Variants in NRXN3 observed in about 807,000 individuals in gnomAD.
The protein encoded by NRXN3 is neurexin III.
In NRXN3, 32 loss-of-function variants were observed where a neutral mutation model predicts 137.6. That is an observed-to-expected ratio of 0.23 (90% CI 0.18 to 0.31). The LOEUF (loss-of-function observed/expected upper bound fraction) is 0.31, where lower values mean the gene tolerates loss of function less well. NRXN3 is among the 10% of genes least tolerant of loss of function. The pLI is 1.00. For synonymous variants in NRXN3, 798 were observed against 784.5 expected (o/e 1.02, Z -0.29); for missense variants, 1,574 against 2,062.5 (o/e 0.76, Z 4.59).
At chr14:79,746,123 A>C (rs751867993) in intron 19 of NRXN3, among the ~76,000 whole-genome samples, 1 of 152,146 alleles carries the variant, frequency 6.6e-6, no homozygotes, top group Non-Finnish European at 1.5e-5. Flanking sequence ...AGTTTTACTC[A>C]GTCTAGATCC....
chr14:79,778,119 T>C (rs1386973284), intron 19 of NRXN3, among the ~76,000 whole-genome samples: 1 of 152,198 alleles, frequency 6.6e-6, no homozygotes, highest in African/African-American at 2.4e-5. Context: ...TGAATTGATA[T>C]AAGACTGGTA....
At chr14:78,624,809 TTGTGTGTGTGTGTG>T (rs56948487) in intron 4 of NRXN3, among the ~76,000 whole-genome samples, 2 of 149,266 alleles carry the variant, frequency 1.3e-5, no homozygotes, top group Non-Finnish European at 3.0e-5. Context: ...TCCTGTTCCT[TTGTGTGTGTGTGTG>T]TGTGTGTGTT....
rs547928162 is a variant in NRXN3, at chr14:78,774,479, A to G, written c.2045-29141A>G. On this transcript the variant is annotated intron_variant, in intron 8 of 20. Coordinates refer to ENST00000335750, the MANE Select transcript of NRXN3 (RefSeq NM_001330195.2). ...ATATTCTAAGTGTATCTTAGATCAC[A>G]TGCTACAAATTTCTATTATCACTAT... Among the ~76,000 whole-genome samples, 21 of 152,350 alleles carry G rather than the reference A, an allele frequency of 1.4e-4. No individual in the cohort carries two copies. In the East Asian group the frequency reaches 4.0e-3, roughly 29 times the overall value.
intron 4 of NRXN3, among the ~76,000 whole-genome samples, chr14:78,499,683 A>T (rs1051069817): frequency 2.4e-4 from 36 of 152,292 alleles, no homozygotes; most frequent in African/African-American, 8.4e-4. Context: ...CTGAGTTCTC[A>T]TCTGAAAGCT....
intron 19 of NRXN3, among the ~76,000 whole-genome samples, chr14:79,796,909 T>C (rs1453526908): frequency 6.6e-6 from 1 of 152,194 alleles, no homozygotes; most frequent in Non-Finnish European, 1.5e-5. Context: ...CCAACACTAA[T>C]TTTAAGATTT....
At chr14:79,772,941 T>A (rs1236355354) in intron 19 of NRXN3, among the ~76,000 whole-genome samples, 421 of 151,880 alleles carry the variant, frequency 2.8e-3, no homozygotes, top group African/African-American at 9.6e-3. Context: ...GAAAAAAACA[T>A]ACAACCCCAT....
At chr14:78,206,203 A>G (rs1044503336) in intron 1 of NRXN3, among the ~76,000 whole-genome samples, 10 of 152,142 alleles carry the variant, frequency 6.6e-5, no homozygotes, top group African/African-American at 2.2e-4. Flanking sequence ...ACCATGGAGG[A>G]GTTTCTCTAT....
At chr14:79,408,629 C>T (rs2095358329) in intron 15 of NRXN3, among the ~76,000 whole-genome samples, 2 of 152,016 alleles carry the variant, frequency 1.3e-5, no homozygotes, top group Non-Finnish European at 2.9e-5. Flanking sequence ...TCATCTGGGG[C>T]AGATGAAAAT....
intron 19 of NRXN3, among the ~76,000 whole-genome samples, chr14:79,769,357 T>G (rs949074316): frequency 1.8e-4 from 27 of 151,670 alleles, no homozygotes; most frequent in Non-Finnish European, 3.2e-4. Flanking sequence ...GAAAAAATGT[T>G]AAGGGCAGCC....
rs74068628 is a variant in NRXN3, at chr14:79,438,044, T to C, written c.3263-29177T>C. Among the ~76,000 whole-genome samples, 1,657 of 152,262 alleles carry C rather than the reference T, an allele frequency of 0.011. 93 individuals are homozygous for C. In the East Asian group the frequency reaches 0.17, roughly 16 times the overall value. ...CTCTTGCAATAGCCAGCATGGCTTG[T>C]TCTTAAGAAAGTTGTCCTCAGTCTA... On this transcript the variant is annotated intron_variant, in intron 15 of 20. Transcript: ENST00000335750.
At chr14:78,483,911 T>G (rs1311053100) in intron 4 of NRXN3, among the ~76,000 whole-genome samples, 1 of 151,538 alleles carries the variant, frequency 6.6e-6, no homozygotes, top group Non-Finnish European at 1.5e-5. Context: ...CTGGTTCGAT[T>G]TTTCAGTGGA....
chr14:79,176,831 C>G (rs200594898), intron 15 of NRXN3, among the ~76,000 whole-genome samples: 1 of 152,184 alleles, frequency 6.6e-6, no homozygotes, highest in Non-Finnish European at 1.5e-5. Context: ...TTATCTGACT[C>G]TTCACCCATC....
At chr14:78,252,513 T>C (rs1337828104) in intron 2 of NRXN3, among the ~76,000 whole-genome samples, 2 of 152,172 alleles carry the variant, frequency 1.3e-5, no homozygotes, top group Non-Finnish European at 2.9e-5. Context: ...TCTGGGGAGT[T>C]TTCCTTTAAG....
rs1218591876 is a variant in NRXN3, at chr14:78,781,814, C to T, written c.2045-21806C>T. 3.3e-5 allele frequency among the ~76,000 whole-genome samples: 5 copies of T among 152,330 alleles called. No homozygotes were observed. The East Asian group carries it at 5.8e-4, about 18-fold the overall frequency. ...AATCAGGCCAGAGATTGGCATTTGC[C>T]TTCCTGAAGGCAATAGTTAGCAGGA... On this transcript the variant is annotated intron_variant, in intron 8 of 20. Coordinates refer to ENST00000335750, the MANE Select transcript of NRXN3 (RefSeq NM_001330195.2).
chr14:79,062,812 C>T (rs74067025), intron 15 of NRXN3, among the ~76,000 whole-genome samples: 1 of 152,172 alleles, frequency 6.6e-6, no homozygotes, highest in African/African-American at 2.4e-5. Flanking sequence ...TTTTGTTTTT[C>T]ATGCAAGAGA....
chr14:79,593,844 T>C (rs1375633269), intron 16 of NRXN3, among the ~76,000 whole-genome samples: 1 of 152,238 alleles, frequency 6.6e-6, no homozygotes, highest in Admixed American at 6.5e-5. Flanking sequence ...ATAATATGAC[T>C]ACCTCAGTCA....
chr14:78,386,061 C>CG (rs2089929047), intron 4 of NRXN3, among the ~76,000 whole-genome samples: 1 of 151,688 alleles, frequency 6.6e-6, no homozygotes, highest in African/African-American at 2.4e-5. Context: ...AACAAAAGAG[C>CG]AAAAAAAGTC....
intron 7 of NRXN3, among the ~76,000 whole-genome samples, chr14:78,710,772 C>T (rs1314049925): frequency 1.3e-5 from 2 of 152,150 alleles, no homozygotes; most frequent in African/African-American, 4.8e-5. Flanking sequence ...GCAGAGATAG[C>T]AATATTGCCC....
At chr14:78,200,490 C>T (rs1195308289) in intron 1 of NRXN3, among the ~76,000 whole-genome samples, 1 of 152,070 alleles carries the variant, frequency 6.6e-6, no homozygotes, top group Non-Finnish European at 1.5e-5. Context: ...CCCAGACTTC[C>T]TGAATCTGAC....
Sources: allele counts gnomAD v4.1 joint callset (sites outside exome capture counted in the v4.1 genomes callset), GRCh38; gene constraint gnomAD v4.1.1; transcripts MANE v1.5; gene names NCBI Gene and HGNC (gene_info 2026-07-23, HGNC 2026-07-21).